Variants in RBM41 observed in about 807,000 individuals in gnomAD.
RBM41 encodes the protein RNA binding motif protein 41.
RBM41 carries 14 observed loss-of-function variants against 30.8 expected under a neutral mutation model. That is an observed-to-expected ratio of 0.45 (90% CI 0.30 to 0.71). The LOEUF (loss-of-function observed/expected upper bound fraction) is 0.71. RBM41 is among the 30% of genes least tolerant of loss of function. The pLI is 0.08. For missense variants in RBM41, 276 were observed against 326.3 expected, an observed-to-expected ratio of 0.85 and a Z score of 1.19; for synonymous variants, 120 against 110.1, an observed-to-expected ratio of 1.09 and a Z score of -0.56.
intron 7 of RBM41, 94 bp from the exon 8 acceptor site, chrX:107,067,787 T>C: frequency 1.0e-6 from 1 of 1,000,573 alleles, no homozygotes; most frequent in Non-Finnish European, 1.3e-6. Flanking sequence ...TGGAGTTAAA[T>C]GTAAGCTATA....
chrX:107,101,838 A>G (rs1421230558), intron 5 of RBM41, among the ~76,000 whole-genome samples: 1 of 111,986 alleles, frequency 8.9e-6, no homozygotes, highest in Non-Finnish European at 1.9e-5. Flanking sequence ...CAAATACCTA[A>G]AAATGTAGAA....
intron 5 of RBM41, among the ~76,000 whole-genome samples, chrX:107,106,528 C>T (rs773382810): frequency 9.2e-4 from 102 of 111,441 alleles, no homozygotes; most frequent in African/African-American, 3.3e-3. Context: ...GGTATATACC[C>T]AAAGGATTAT....
intron 6 of RBM41, chrX:107,070,284 A>G (rs777557981): frequency 2.4e-5 from 8 of 330,123 alleles, no homozygotes; most frequent in South Asian, 1.8e-4. Context: ...AGATGTGAAC[A>G]CTGTTTCTGA....
chrX:107,080,344 C>T (rs752280357), intron 6 of RBM41, among the ~76,000 whole-genome samples: 12 of 110,582 alleles, frequency 1.1e-4, no homozygotes, highest in Non-Finnish European at 1.7e-4. Flanking sequence ...TATGGGAGGC[C>T]GAGGCAAGCA....
At chrX:107,061,119 A>G (rs1569319266), downstream of RBM41, among the ~76,000 whole-genome samples, 2 of 111,712 alleles carry the variant, frequency 1.8e-5, no homozygotes, top group Non-Finnish European at 3.8e-5. Context: ...GAATAAGGAG[A>G]TAACAAAATG....
At chrX:107,104,829 GAA>G (rs1923802052) in intron 5 of RBM41, among the ~76,000 whole-genome samples, 1 of 110,788 alleles carries the variant, frequency 9.0e-6, no homozygotes. Context: ...TGCATTGAAT[GAA>G]AACTCTCAAT....
chrX:107,103,708 C>T (rs924742277), intron 5 of RBM41, among the ~76,000 whole-genome samples: 3 of 111,759 alleles, frequency 2.7e-5, no homozygotes, highest in African/African-American at 9.7e-5. Flanking sequence ...ATCCCAAAAA[C>T]ATTATGTTGA....
chrX:107,106,209 G>T (rs1298236922), intron 5 of RBM41, among the ~76,000 whole-genome samples: 1 of 111,634 alleles, frequency 9.0e-6, no homozygotes, highest in Admixed American at 9.4e-5. Flanking sequence ...GTGGGCGAAG[G>T]ATATGAACAG....
At chrX:107,075,960 G>C (rs1936209414) in intron 6 of RBM41, among the ~76,000 whole-genome samples, 1 of 111,711 alleles carries the variant, frequency 9.0e-6, no homozygotes, top group Admixed American at 9.6e-5. Flanking sequence ...ACTCACAATA[G>C]TCAACAGGTG....
chrX:107,092,388 T>A (rs1267175928), intron 5 of RBM41, among the ~76,000 whole-genome samples: 44 of 109,814 alleles, frequency 4.0e-4, no homozygotes, highest in Non-Finnish European at 1.9e-5. Flanking sequence ...TGAACAACCA[T>A]TAGGAAAATG....
chrX:107,073,669 T>C (rs1261744927), intron 6 of RBM41, among the ~76,000 whole-genome samples: 1 of 112,009 alleles, frequency 8.9e-6, no homozygotes, highest in Non-Finnish European at 1.9e-5. Context: ...AATCAGTATA[T>C]TGAAAAGACA....
At chrX:107,092,862 T>C (rs1441468676) in intron 5 of RBM41, among the ~76,000 whole-genome samples, 2 of 111,656 alleles carry the variant, frequency 1.8e-5, no homozygotes, top group Non-Finnish European at 3.8e-5. Flanking sequence ...CTCCCACATA[T>C]ATACCTTAGA....
In RBM41 at chrX:107,082,159, T is replaced by C. The variant is rs138134773; in HGVS notation, c.999+6277A>G. Among the ~76,000 whole-genome samples the C allele has an allele frequency of 9.4e-3, 1,048 of 111,638 alleles. 14 individuals carry two copies. The highest frequency in any genetic ancestry group is 0.032 in the African/African-American group (987 of 30,810). ...TGTTAGCTGTAGGGTGTTGCAGATA[T>C]TCTTTATCAAGTTAAGGATGTTATA... On this transcript the variant is annotated intron_variant, in intron 6 of 7. Transcript: ENST00000685964.
intron 5 of RBM41, among the ~76,000 whole-genome samples, chrX:107,095,471 C>A (rs1283729966): frequency 1.8e-5 from 2 of 109,455 alleles, no homozygotes; most frequent in Admixed American, 9.8e-5. Flanking sequence ...TGGCACATGC[C>A]TGCAATCCCA....
chrX:107,090,102 G>A (rs1922384272), intron 5 of RBM41, among the ~76,000 whole-genome samples: 2 of 111,829 alleles, frequency 1.8e-5, no homozygotes, highest in Admixed American at 9.5e-5. Flanking sequence ...GAGGCCGGGC[G>A]TGGTGGCTCA....
At chrX:107,108,466 A>C (rs992916805) in intron 5 of RBM41, among the ~76,000 whole-genome samples, 2 of 111,766 alleles carry the variant, frequency 1.8e-5, no homozygotes, top group Non-Finnish European at 3.8e-5. Flanking sequence ...TAAGAAACCA[A>C]GAATTTGAAC....
chrX:107,060,822 G>A (rs1935627609), downstream of RBM41, among the ~76,000 whole-genome samples: 1 of 111,149 alleles, frequency 9.0e-6, no homozygotes, highest in African/African-American at 3.3e-5. Context: ...ATTGTAAAGA[G>A]GAAAACTGTA....
chrX:107,101,253 A>T (rs1468270865), intron 5 of RBM41, among the ~76,000 whole-genome samples: 1 of 111,661 alleles, frequency 9.0e-6, no homozygotes, highest in Non-Finnish European at 1.9e-5. Flanking sequence ...AAAATGTTTT[A>T]AGTGCTGTTT....
At position 107,062,303 on chromosome X, in the gene RBM41, T is replaced by G. The variant is rs1260926437; in HGVS notation, c.*5224A>C. 8.9e-6 allele frequency among the ~76,000 whole-genome samples: 1 copy of G among 111,848 alleles called. No homozygotes were observed. The highest frequency in any genetic ancestry group is 1.9e-5 in the Non-Finnish European group (1 of 53,176). ...TACTACGGTTTATCTATGCACCAGT[T>G]GAAGGATATCCTTCATTTTTATGTT... On this transcript the variant is annotated 3_prime_UTR_variant, in exon 8 of 8. Transcript: ENST00000685964.
Sources: gnomAD v4.1 joint callset for allele counts (sites outside exome capture counted in the v4.1 genomes callset) on GRCh38, gnomAD v4.1.1 for gene constraint, MANE v1.5 for transcripts, NCBI Gene and HGNC (gene_info 2026-07-23, HGNC 2026-07-21) for gene names.